The following PDZD2 variants were observed in gnomAD, a reference collection of about 807,000 sequenced individuals.
The protein encoded by PDZD2 is PDZ domain-containing protein 2.
PDZD2 carries 90 observed loss-of-function variants against 220.7 expected under a neutral mutation model. The observed-to-expected ratio is 0.41, with a 90% CI of 0.34 to 0.49. PDZD2 has a LOEUF of 0.49. Among genes scored for constraint, PDZD2 ranks in the 20% least tolerant of loss-of-function variants. The probability of loss-of-function intolerance (pLI) is 0.28; values close to 1 mark genes in which losing one functional copy is unlikely to be tolerated. For synonymous variants in PDZD2, 1,375 were observed against 1,450.5 expected (o/e 0.95, Z 1.18); for missense variants, 3,174 against 3,608.5 (o/e 0.88, Z 3.08).
rs73062395 is a variant in PDZD2, at chr5:31,863,714, C to G, written c.476+63990C>G. On this transcript the variant is annotated intron_variant, in intron 2 of 24. Transcript: ENST00000438447. ...GTCTTAACAGTTTCACTTGTCAGTC[C>G]CTCTGTAAGTATACCATTCCTTAGA... Among the ~76,000 whole-genome samples the G allele has an allele frequency of 3.7e-3, 567 of 152,094 alleles. 2 individuals carry two copies. The highest frequency in any genetic ancestry group is 0.013 in the African/African-American group (544 of 41,490).
chr5:31,942,159 A>G (rs1746264479), intron 2 of PDZD2, among the ~76,000 whole-genome samples: 1 of 152,194 alleles, frequency 6.6e-6, no homozygotes, highest in African/African-American at 2.4e-5. Flanking sequence ...TGACTCTGAA[A>G]TCTGTGAGGT....
intron 24 of PDZD2, among the ~76,000 whole-genome samples, chr5:32,101,650 C>T (rs1270237027): frequency 1.3e-5 from 2 of 152,190 alleles, no homozygotes; most frequent in Non-Finnish European, 2.9e-5. Flanking sequence ...GTACTTAATA[C>T]TGGCCAAGAT....
At chr5:31,656,937 G>A (rs538589766) in intron 1 of PDZD2, among the ~76,000 whole-genome samples, 1 of 152,240 alleles carries the variant, frequency 6.6e-6, no homozygotes, top group African/African-American at 2.4e-5. Flanking sequence ...TCAACAGCCT[G>A]GGAGATCAGG....
At chr5:32,078,957 T>C (rs1029513224) in intron 19 of PDZD2, among the ~76,000 whole-genome samples, 2 of 152,104 alleles carry the variant, frequency 1.3e-5, no homozygotes, top group Admixed American at 6.6e-5. Flanking sequence ...GAGACCTTTA[T>C]TGAAATTTTG....
At chr5:31,943,400 C>G (rs1036357243) in intron 2 of PDZD2, among the ~76,000 whole-genome samples, 2 of 152,100 alleles carry the variant, frequency 1.3e-5, no homozygotes, top group Non-Finnish European at 2.9e-5. Flanking sequence ...CCGTTCAGAA[C>G]TCAGCATCAG....
rs767156466 is a variant in PDZD2, at chr5:32,089,841, G to T, written c.6393G>T (p.Arg2131Ser). 1 of 1,613,560 alleles carries T rather than the reference G, an allele frequency of 6.2e-7. No individual in the cohort carries two copies. Among genetic ancestry groups the T allele is most frequent in the South Asian group, 1.1e-5 (1 of 91,064 alleles). Residue 2131 changes from arginine (R) to serine (S), a missense_variant, in exon 20 of 25, where the codon AGG (arginine) becomes AGT (serine). By Grantham distance (110) the Arg-to-Ser change is moderately radical. Coordinates refer to ENST00000438447, the MANE Select transcript of PDZD2 (RefSeq NM_178140.4). The part of the protein sequence containing the change: ...QGNCQEKSEI[R>S]LYRQVAESST... ...ACTGTCAGGAGAAGAGTGAAATCAG[G>T]CTCTATCGCCAGGTCGCAGAATCAT...
intron 2 of PDZD2, among the ~76,000 whole-genome samples, chr5:31,835,436 T>G (rs1756888960): frequency 2.7e-5 from 1 of 36,830 alleles, no homozygotes; most frequent in Admixed American, 1.8e-4. Context: ...CTGGCCAACA[T>G]GATGAAACCT....
In PDZD2 at chr5:32,073,877, T is replaced by C. The variant is rs750726855; in HGVS notation, c.2771T>C (p.Leu924Pro). The C allele has an allele frequency of 6.2e-6, 10 of 1,614,002 alleles. No individual in the cohort carries two copies. In the East Asian group the frequency reaches 2.0e-4, roughly 32 times the overall value. Residue 924 changes from leucine (L) to proline (P), a missense_variant, in exon 18 of 25, where the codon CTT (leucine) becomes CCT (proline). By Grantham distance (98) the Leu-to-Pro change is moderately conservative (BLOSUM62 -3). Coordinates refer to ENST00000438447, the MANE Select transcript of PDZD2 (RefSeq NM_178140.4). ...GKPRANSLVTLGSHRASGLFH... is the reference protein window; with the variant it reads ...GKPRANSLVTPGSHRASGLFH... ...CCCAGAGCCAACAGCCTCGTGACTCTTGGGAGCCATCGGGCTTCTGGGCTC... is the reference window on the plus strand; with the variant it reads ...CCCAGAGCCAACAGCCTCGTGACTCCTGGGAGCCATCGGGCTTCTGGGCTC...
At chr5:31,674,830 C>T (rs564105227) in intron 1 of PDZD2, among the ~76,000 whole-genome samples, 4 of 152,002 alleles carry the variant, frequency 2.6e-5, no homozygotes, top group African/African-American at 4.8e-5. Flanking sequence ...TCAATGTGAC[C>T]GCCCTTCCAG....
At chr5:32,093,153 C>T (rs1308107987) in intron 21 of PDZD2, 129 bp downstream of exon 21, 6 of 610,208 alleles carry the variant, frequency 9.8e-6, no homozygotes, top group African/African-American at 1.9e-5. Context: ...CCTTGGGTTG[C>T]GAGTTTCACA....
Position 31,668,590 on chromosome 5 carries a change from G to A in PDZD2, c.-361+29153G>A, listed in dbSNP as rs573363762. ...TTGGGTTTTGGAGTTGCGGTCTCCT[G>A]CTGTTCCTAACGTCATAAACGGATA... is the stretch of plus-strand genomic sequence containing the variant. On this transcript the variant is annotated intron_variant, in intron 1 of 24. Coordinates refer to ENST00000438447, the MANE Select transcript of PDZD2 (RefSeq NM_178140.4). Among the ~76,000 whole-genome samples the A allele has an allele frequency of 2.1e-4, 32 of 152,250 alleles. 1 individual carries two copies. The South Asian group carries it at 5.8e-3, about 28-fold the overall frequency.
intron 2 of PDZD2, among the ~76,000 whole-genome samples, chr5:31,896,129 C>T (rs781474034): frequency 6.6e-6 from 1 of 152,056 alleles, no homozygotes; most frequent in Non-Finnish European, 1.5e-5. Context: ...CATGCTTGCA[C>T]GTGACCCTCT....
intron 1 of PDZD2, among the ~76,000 whole-genome samples, chr5:31,669,414 A>T (rs993682369): frequency 3.2e-4 from 49 of 151,858 alleles, no homozygotes; most frequent in African/African-American, 9.7e-4. Context: ...AAAAAAAAAA[A>T]AAAAAAAAAT....
chr5:32,108,937 A>G lies in PDZD2; in HGVS notation c.*802A>G, dbSNP rs1745084657. On this transcript the variant is annotated 3_prime_UTR_variant, in exon 25 of 25. Coordinates refer to ENST00000438447, the MANE Select transcript of PDZD2 (RefSeq NM_178140.4). ...GAGCTTCACTGCTTAGAGGGAGCAGAAAGGTCAACATCTAAAAGCACCTTA... is the reference window on the plus strand; with the variant it reads ...GAGCTTCACTGCTTAGAGGGAGCAGGAAGGTCAACATCTAAAAGCACCTTA... The G allele has an allele frequency of 6.6e-6, 1 of 152,652 alleles. No homozygotes were observed. Among genetic ancestry groups the G allele is most frequent in the Non-Finnish European group, 1.5e-5 (1 of 68,034 alleles). 9.5% of individuals were successfully genotyped at this position (152,652 alleles called of 1,614,324 possible).
chr5:31,711,270 G>A (rs1748089200), intron 1 of PDZD2, among the ~76,000 whole-genome samples: 1 of 152,196 alleles, frequency 6.6e-6, no homozygotes, highest in South Asian at 2.1e-4. Flanking sequence ...TAATTAAAGG[G>A]CAGAGGGTCC....
intron 23 of PDZD2, chr5:32,100,805 C>A (rs765685376): frequency 9.1e-7 from 1 of 1,103,422 alleles, no homozygotes; most frequent in African/African-American, 1.5e-5. Flanking sequence ...TTAACAAGAG[C>A]ACTTTGCTTT....
chr5:31,891,720 G>A (rs1364418267), intron 2 of PDZD2, among the ~76,000 whole-genome samples: 1 of 152,184 alleles, frequency 6.6e-6, no homozygotes, highest in Non-Finnish European at 1.5e-5. Context: ...CACCAACGCT[G>A]TCAATCCGAG....
intron 1 of PDZD2, among the ~76,000 whole-genome samples, chr5:31,681,491 AC>A (rs1422945710): frequency 5.3e-5 from 8 of 152,050 alleles, no homozygotes; most frequent in Non-Finnish European, 1.0e-4. Flanking sequence ...CAAGTAATCC[AC>A]CAACCTCGGC....
rs1561479693 is a variant in PDZD2, at chr5:31,813,380, G to T, written c.476+13656G>T. ...CAGGAGAATGGCGTGAACCCGGGAG[G>T]TGGAGCTTGCAGTGAGGGGAGATTG... On this transcript the variant is annotated intron_variant, in intron 2 of 24. Coordinates refer to ENST00000438447, the MANE Select transcript of PDZD2 (RefSeq NM_178140.4). 4.7e-5 allele frequency among the ~76,000 whole-genome samples: 7 copies of T among 149,258 alleles called. No individual in the cohort carries two copies. The Admixed American group carries it at 4.7e-4, about 10-fold the overall frequency.
Sources: allele counts gnomAD v4.1 joint callset (sites outside exome capture counted in the v4.1 genomes callset), GRCh38; gene constraint gnomAD v4.1.1; transcripts MANE v1.5; gene names NCBI Gene and HGNC (gene_info 2026-07-23, HGNC 2026-07-21).